Variants in RRM2 observed in about 807,000 individuals in gnomAD.
The protein encoded by RRM2 is ribonucleoside-diphosphate reductase subunit M2.
In RRM2, 6 loss-of-function variants were observed where a neutral mutation model predicts 45.9. The ratio of observed to expected loss-of-function variants is 0.13; its 90% confidence interval spans 0.07 to 0.26. The LOEUF (loss-of-function observed/expected upper bound fraction) is 0.26. Ranked by LOEUF, RRM2 falls within the 10% of genes least tolerant of loss-of-function variation. The pLI is 1.00. For synonymous variants in RRM2, 177 were observed against 173.0 expected, an observed-to-expected ratio of 1.02 and a Z score of -0.18; for missense variants, 343 against 489.5, an observed-to-expected ratio of 0.70 and a Z score of 2.82.
Position 10,199,795 on chromosome 2 carries a change from A to AC in RRM2, n.483-10516_483-10515insC, listed in dbSNP as rs1285830599. ...ACTCAGTCTCAAAAAAAAAAAAAAAAAAAAAAAAAAAAAACAAATCATGGT... is the reference window on the plus strand; with the variant it reads ...ACTCAGTCTCAAAAAAAAAAAAAAAACAAAAAAAAAAAAAACAAATCATGGT... On this transcript the variant is annotated intron_variant and non_coding_transcript_variant, in intron 3 of 3. Transcript: ENST00000381786. Among the ~76,000 whole-genome samples, 204 of 138,588 alleles carry AC rather than the reference A, an allele frequency of 1.5e-3. 9 individuals are homozygous for AC. Among genetic ancestry groups the AC allele is most frequent in the African/African-American group, 3.5e-3 (119 of 34,390 alleles). The allele number at this position is 138,588 out of a possible 152,430, so 90.9% of individuals were successfully genotyped here.
intron 3 of RRM2, among the ~76,000 whole-genome samples, chr2:10,202,743 G>A (rs575474069): frequency 6.6e-6 from 1 of 152,142 alleles, no homozygotes; most frequent in East Asian, 1.9e-4. Flanking sequence ...GCTGTTTTTG[G>A]GGTGGATTTA....
At chr2:10,174,478 G>A (rs764008573) in intron 3 of RRM2, among the ~76,000 whole-genome samples, 4 of 151,892 alleles carry the variant, frequency 2.6e-5, no homozygotes, top group South Asian at 2.1e-4. Flanking sequence ...ACAAGCGAGC[G>A]CCTATGGGGT....
chr2:10,199,690 G>A (rs1185953838), intron 3 of RRM2, among the ~76,000 whole-genome samples: 5 of 148,770 alleles, frequency 3.4e-5, no homozygotes, highest in Admixed American at 2.0e-4. Context: ...TGAGGCGGGA[G>A]AATGGCGTGA....
chr2:10,206,942 G>C (rs1664675660), intron 3 of RRM2, among the ~76,000 whole-genome samples: 2 of 152,144 alleles, frequency 1.3e-5, no homozygotes, highest in Admixed American at 1.3e-4. Context: ...CAAAAGCTGA[G>C]AGCAGCTATT....
chr2:10,129,293 T>TAAC lies in RRM2; in HGVS notation c.1078_1080dup (p.Asn360dup). The TAAC allele has an allele frequency of 6.2e-7, 1 of 1,614,154 alleles. No individual in the cohort carries two copies. Among genetic ancestry groups the TAAC allele is most frequent in the Non-Finnish European group, 8.5e-7 (1 of 1,179,970 alleles). Reference sequence around the variant, plus strand: ...AGAATATTTCACTGGAAGGAAAGACTAACTTCTTTGAGAAGAGAGTAGGCG... The same window carrying TAAC: ...AGAATATTTCACTGGAAGGAAAGACTAACAACTTCTTTGAGAAGAGAGTAGGCG... On this transcript the variant is annotated inframe_insertion, in exon 10 of 10. Transcript: ENST00000304567. The surrounding 1 kb of genome is among the most constrained non-coding windows in gnomAD (Gnocchi z 4.8).
At chr2:10,196,211 T>C (rs1473599254) in intron 3 of RRM2, among the ~76,000 whole-genome samples, 1 of 152,058 alleles carries the variant, frequency 6.6e-6, no homozygotes, top group Non-Finnish European at 1.5e-5. Context: ...TTCAGACCCG[T>C]GTGAAGACAG....
chr2:10,122,848 T>C lies in RRM2; in HGVS notation c.50T>C (p.Leu17Pro). 1 of 1,602,332 alleles carries C rather than the reference T, an allele frequency of 6.2e-7. No individual in the cohort carries two copies. The highest frequency in any genetic ancestry group is 8.5e-7 in the Non-Finnish European group (1 of 1,176,124). The change falls in exon 1 of 10, where the codon CTG becomes CCG. Residue 17 changes from leucine to proline, a missense_variant. Leu to Pro is a moderately conservative substitution (Grantham distance 98). Around this residue, in one of 2 missense-constraint regions of RRM2, gnomAD observed 131 missense variants for 121.4 expected, o/e 1.08. Transcript: ENST00000304567. ...GCGCCCATCACGGACCCGCAGCAGCTGCAGCTCTCGCCGCTGAAGGGGCTC... is the reference window on the plus strand; with the variant it reads ...GCGCCCATCACGGACCCGCAGCAGCCGCAGCTCTCGCCGCTGAAGGGGCTC... ...PLAPITDPQQLQLSPLKGLSL... is the reference protein window; with the variant it reads ...PLAPITDPQQPQLSPLKGLSL...
chr2:10,149,790 G>A (rs1021167849), intron 3 of RRM2, among the ~76,000 whole-genome samples: 1 of 152,200 alleles, frequency 6.6e-6, no homozygotes, highest in African/African-American at 2.4e-5. Flanking sequence ...GTGATTGTCT[G>A]TGTCTGATCT....
Position 10,127,263 on chromosome 2 carries a change from C to T in RRM2, c.798+43C>T. On this transcript the variant is annotated intron_variant, in intron 7 of 9. Transcript: ENST00000304567. This position sits in a 1 kb window ranked among gnomAD's most constrained non-coding sequence, Gnocchi z 4.1. ...AATAGGGTGACCTAAACCCCAAACACAACTCGGGCATGCTCTTGTGTTCAC... is the reference window on the plus strand; with the variant it reads ...AATAGGGTGACCTAAACCCCAAACATAACTCGGGCATGCTCTTGTGTTCAC... 1 of 1,594,500 alleles carries T rather than the reference C, an allele frequency of 6.3e-7. No individual in the cohort carries two copies. Among genetic ancestry groups the T allele is most frequent in the African/African-American group, 1.3e-5 (1 of 74,798 alleles).
At chr2:10,168,752 G>GATCACCCAC (rs1663731803) in intron 3 of RRM2, among the ~76,000 whole-genome samples, 2 of 151,594 alleles carry the variant, frequency 1.3e-5, no homozygotes, top group African/African-American at 4.9e-5. Flanking sequence ...CATTTATCCA[G>GATCACCCAC]TCATTCCTTC....
chr2:10,203,595 A>G (rs1024517189), intron 3 of RRM2, among the ~76,000 whole-genome samples: 1 of 152,110 alleles, frequency 6.6e-6, no homozygotes, highest in Non-Finnish European at 1.5e-5. Context: ...TACTAAAAAT[A>G]CAAAACTTAG....
At chr2:10,132,438 G>C (rs1322991074), downstream of RRM2, among the ~76,000 whole-genome samples, 3 of 152,156 alleles carry the variant, frequency 2.0e-5, no homozygotes, top group African/African-American at 7.2e-5. Flanking sequence ...TAGTGGAGGG[G>C]ACTGGGACTA....
chr2:10,159,671 A>G (rs1437313926), intron 3 of RRM2, among the ~76,000 whole-genome samples: 3 of 152,252 alleles, frequency 2.0e-5, no homozygotes, highest in Non-Finnish European at 4.4e-5. Flanking sequence ...TCCTTCCTGC[A>G]GGGCTGCTCA....
At chr2:10,177,710 T>TCCCTCCCTCCCTCC (rs1412223767) in intron 3 of RRM2, among the ~76,000 whole-genome samples, 225 of 116,532 alleles carry the variant, frequency 1.9e-3, no homozygotes, top group African/African-American at 6.6e-3. Context: ...TTCCTTCCTC[T>TCCCTCCCTCCCTCC]CTCCCTCCCT....
rs1442702503 is a variant in RRM2, at chr2:10,185,184, G to A, written n.483-25127G>A. 6.6e-6 allele frequency among the ~76,000 whole-genome samples: 1 copy of A among 151,994 alleles called. No homozygotes were observed. Among genetic ancestry groups the A allele is most frequent in the Non-Finnish European group, 1.5e-5 (1 of 68,008 alleles). ...AACAAATGCTTTGGATTTCCTCCACGCAGAGGAGAATCAGTATGCAGCTGT... is the reference window on the plus strand; with the variant it reads ...AACAAATGCTTTGGATTTCCTCCACACAGAGGAGAATCAGTATGCAGCTGT... On this transcript the variant is annotated intron_variant and non_coding_transcript_variant, in intron 3 of 3. Coordinates refer to the RRM2 transcript ENST00000381786. This position sits in a 1 kb window ranked among gnomAD's most constrained non-coding sequence, Gnocchi z 4.3.
At position 10,181,934 on chromosome 2, in the gene RRM2, TA is replaced by T. The variant is rs113491399; in HGVS notation, n.483-28367del. 2.0e-3 allele frequency among the ~76,000 whole-genome samples: 304 copies of T among 148,522 alleles called. 7 individuals are homozygous for T. The highest frequency in any genetic ancestry group is 6.7e-3 in the African/African-American group (272 of 40,478). On this transcript the variant is annotated intron_variant and non_coding_transcript_variant, in intron 3 of 3. Coordinates refer to the RRM2 transcript ENST00000381786. ...AGTGAGCCACCACATGCAGCTAATT[TA>T]AAAAAAAAATTGTAGAGATAAAGTC...
chr2:10,171,380 G>A lies in RRM2; in HGVS notation n.482+29005G>A, dbSNP rs75024746. On this transcript the variant is annotated intron_variant and non_coding_transcript_variant, in intron 3 of 3. Coordinates refer to the RRM2 transcript ENST00000381786. This position sits in a 1 kb window ranked among gnomAD's most constrained non-coding sequence, Gnocchi z 4.1. ...GGCACCAGTGGGCTGAGAAACTGTC[G>A]GGTTTGGCTGCTGCTGTTGTCTGCA... Among the ~76,000 whole-genome samples the A allele has an allele frequency of 5.0e-4, 76 of 152,332 alleles. No homozygotes were observed. Among genetic ancestry groups the A allele is most frequent in the African/African-American group, 1.7e-3 (71 of 41,570 alleles).
intron 2 of RRM2, chr2:10,142,067 C>T (rs960645641): frequency 2.5e-5 from 40 of 1,597,592 alleles, no homozygotes; most frequent in African/African-American, 1.5e-4. Context: ...ATGTGGGGAT[C>T]GACCACGTGG....
rs766478868 is a variant in RRM2, at chr2:10,123,399, G to A, written c.187G>A (p.Ala63Thr). ...TCTCCCCCAACAGAAAACTAAAGCA[G>A]CTGCCCCCGGCGTGGAGGATGAGCC... ...QEPTEPKTKA[A>T]APGVEDEPLL... The change falls in exon 3 of 10, where the codon GCT becomes ACT. Residue 63 changes from alanine (A) to threonine (T), a missense_variant. Coordinates refer to ENST00000304567, the MANE Select transcript of RRM2 (RefSeq NM_001034.4). 5 of 1,603,748 alleles carry A rather than the reference G, an allele frequency of 3.1e-6. No homozygotes were observed. The African/African-American group carries it at 6.8e-5, about 22-fold the overall frequency.
Sources: gnomAD v4.1 joint callset for allele counts (sites outside exome capture counted in the v4.1 genomes callset) on GRCh38, gnomAD v4.1.1 for gene constraint, gnomAD v4.1.1 regional missense constraint, Gnocchi (gnomAD v3.1) non-coding constraint, MANE v1.5 for transcripts, NCBI Gene and HGNC (gene_info 2026-07-23, HGNC 2026-07-21) for gene names.